KDM4B: variants seen among roughly 807,000 people sequenced by gnomAD.
The protein encoded by KDM4B is lysine demethylase 4B, also known as lysine-specific demethylase 4B.
Under a neutral mutation model 125.2 loss-of-function variants are expected in KDM4B, and 32 were observed. The ratio of observed to expected loss-of-function variants is 0.26; its 90% confidence interval spans 0.19 to 0.34. The LOEUF (loss-of-function observed/expected upper bound fraction) is 0.34, where lower values mean the gene tolerates loss of function less well. Ranked by LOEUF, KDM4B falls within the 10% of genes least tolerant of loss-of-function variation. The pLI is 1.00. For synonymous variants in KDM4B, 721 were observed against 677.9 expected (o/e 1.06, Z -0.99); for missense variants, 1,190 against 1,577.7 (o/e 0.75, Z 4.16).
At chr19:5,058,021 C>T (rs2037464473) in intron 6 of KDM4B, among the ~76,000 whole-genome samples, 1 of 152,210 alleles carries the variant, frequency 6.6e-6, no homozygotes, top group African/African-American at 2.4e-5. Context: ...TGTCTGAGGG[C>T]AGGGCCCACC....
chr19:5,076,091 G>A (rs1218310004), intron 7 of KDM4B: 4 of 151,012 alleles, frequency 2.6e-5, no homozygotes, highest in Non-Finnish European at 2.9e-5. Context: ...TGACGAGAGC[G>A]GCCACACTGC....
intron 8 of KDM4B, chr19:5,079,217 C>T (rs1039611171): frequency 2.0e-5 from 3 of 152,178 alleles, no homozygotes; most frequent in South Asian, 2.1e-4. Flanking sequence ...CAGAGGAAAC[C>T]GAGTTCCGGG....
intron 1 of KDM4B, among the ~76,000 whole-genome samples, chr19:5,004,180 G>A (rs59541213): frequency 0.34 from 51,256 of 151,974 alleles, 9,116 homozygotes; most frequent in East Asian, 0.68. Flanking sequence ...TAAGGATGAG[G>A]TTAAGGATTC....
intron 5 of KDM4B, among the ~76,000 whole-genome samples, chr19:5,045,116 G>A (rs570197019): frequency 1.8e-4 from 27 of 152,172 alleles, no homozygotes; most frequent in African/African-American, 5.5e-4. Context: ...TTTTTAAGAC[G>A]CCACCAAACT....
At chr19:4,982,720 C>A (rs1295544844) in intron 1 of KDM4B, among the ~76,000 whole-genome samples, 3 of 151,998 alleles carry the variant, frequency 2.0e-5, no homozygotes, top group African/African-American at 4.8e-5. Context: ...TCAAGCGATT[C>A]TCCTGTCTCA....
chr19:5,119,886 GT>G, intron 11 of KDM4B, 34 bp downstream of exon 11: 1 of 1,541,458 alleles, frequency 6.5e-7, no homozygotes, highest in Non-Finnish European at 8.7e-7. Flanking sequence ...TGGCACCGCT[GT>G]TTTCCCACCC....
At chr19:5,144,174 T>C in intron 19 of KDM4B, 22 bp downstream of exon 19, 18 of 1,592,454 alleles carry the variant, frequency 1.1e-5, no homozygotes, top group Non-Finnish European at 1.5e-5. Flanking sequence ...CCCGCCTCCT[T>C]GCCCCCAGCC....
intron 9 of KDM4B, among the ~76,000 whole-genome samples, chr19:5,091,167 G>T (rs545727727): frequency 1.3e-5 from 2 of 152,240 alleles, no homozygotes; most frequent in East Asian, 3.9e-4. Flanking sequence ...GGCTGGCCCC[G>T]AGGTGGGTGG....
At chr19:5,047,989 G>T (rs995680298) in intron 6 of KDM4B, among the ~76,000 whole-genome samples, 21 of 152,228 alleles carry the variant, frequency 1.4e-4, no homozygotes, top group African/African-American at 5.1e-4. Context: ...GAGCTGCCCA[G>T]GCTGTGCTGC....
chr19:5,049,318 G>A (rs1157386991), intron 6 of KDM4B, among the ~76,000 whole-genome samples: 1 of 152,074 alleles, frequency 6.6e-6, no homozygotes, highest in Admixed American at 6.5e-5. Flanking sequence ...GCCTGGTGCC[G>A]CAGGCGTCCA....
intron 1 of KDM4B, among the ~76,000 whole-genome samples, chr19:5,010,619 C>T (rs1599406866): frequency 6.6e-6 from 1 of 152,122 alleles, no homozygotes; most frequent in African/African-American, 2.4e-5. Context: ...GGAAAGCTGT[C>T]CCTCTTCCCC....
chr19:5,133,339 G>A (rs1226181836), intron 13 of KDM4B, among the ~76,000 whole-genome samples: 1 of 152,172 alleles, frequency 6.6e-6, no homozygotes, highest in African/African-American at 2.4e-5. Flanking sequence ...CCCTGGTCAC[G>A]GCCCCTCCTG....
intron 1 of KDM4B, among the ~76,000 whole-genome samples, chr19:5,003,805 G>C (rs928619060): frequency 6.6e-6 from 1 of 151,962 alleles, no homozygotes. Flanking sequence ...GTGAGACCCC[G>C]TCTAAAAAAA....
rs1347731701 is a variant in KDM4B at position 5,145,543 on chromosome 19, T to C, written c.3021+641T>C. Among the ~76,000 whole-genome samples, 4 of 152,214 alleles carry C rather than the reference T, an allele frequency of 2.6e-5. No individual in the cohort carries two copies. The South Asian group carries it at 6.2e-4, about 24-fold the overall frequency. On this transcript the variant is annotated intron_variant, in intron 21 of 22. Coordinates refer to ENST00000159111, the MANE Select transcript of KDM4B (RefSeq NM_015015.3). ...TTGCAGTGAGCCGAGATCACACCAC[T>C]GCACTCCACACTCCAGCCTGGGTGA...
At chr19:5,054,641 C>G (rs1210871162) in intron 6 of KDM4B, among the ~76,000 whole-genome samples, 2 of 152,240 alleles carry the variant, frequency 1.3e-5, no homozygotes, top group Non-Finnish European at 2.9e-5. Flanking sequence ...GAGAACTGGA[C>G]TTTACCCACT....
chr19:5,088,348 G>T (rs1413790709), intron 9 of KDM4B, among the ~76,000 whole-genome samples: 6 of 152,188 alleles, frequency 3.9e-5, no homozygotes, highest in African/African-American at 7.2e-5. Flanking sequence ...GTGTAAAAAT[G>T]CGGCCCGGGC....
In KDM4B at chr19:5,037,317, A is replaced by G. The variant is rs1234408919; in HGVS notation, c.142-2519A>G. On this transcript the variant is annotated intron_variant, in intron 3 of 22. Coordinates refer to ENST00000159111, the MANE Select transcript of KDM4B (RefSeq NM_015015.3). Reference sequence around the variant, plus strand: ...TGCTGGCCTGTGGGTCTCTGACCATACCACTCAGTTCTCTGTAGTAACATC... The same window carrying G: ...TGCTGGCCTGTGGGTCTCTGACCATGCCACTCAGTTCTCTGTAGTAACATC... Among the ~76,000 whole-genome samples, 3 of 152,156 alleles carry G rather than the reference A, an allele frequency of 2.0e-5. No individual in the cohort carries two copies. The East Asian group carries it at 5.8e-4, about 29-fold the overall frequency.
At chr19:5,011,461 C>T (rs541387576) in intron 1 of KDM4B, among the ~76,000 whole-genome samples, 17 of 152,340 alleles carry the variant, frequency 1.1e-4, no homozygotes, top group African/African-American at 3.6e-4. Flanking sequence ...TGTCCACCCC[C>T]AACCTGTAAG....
At chr19:5,084,468 A>G (rs562812248) in intron 9 of KDM4B, among the ~76,000 whole-genome samples, 5 of 140,108 alleles carry the variant, frequency 3.6e-5, no homozygotes, top group Admixed American at 7.5e-5. Flanking sequence ...TATATATTAT[A>G]TATAAATATA....
Sources: allele counts gnomAD v4.1 joint callset (sites outside exome capture counted in the v4.1 genomes callset), GRCh38; gene constraint gnomAD v4.1.1; transcripts MANE v1.5; gene names NCBI Gene and HGNC (gene_info 2026-07-23, HGNC 2026-07-21).